MARCHF4: variants seen among roughly 807,000 people sequenced by gnomAD.
MARCHF4 encodes the protein E3 ubiquitin-protein ligase MARCHF4.
Under a neutral mutation model 43.9 loss-of-function variants are expected in MARCHF4, and 14 were observed. The observed-to-expected ratio is 0.32, with a 90% CI of 0.21 to 0.50. MARCHF4 has a LOEUF of 0.50. Among genes scored for constraint, MARCHF4 ranks in the 20% least tolerant of loss-of-function variants. The probability of loss-of-function intolerance (pLI) is 0.98; values close to 1 mark genes in which losing one functional copy is unlikely to be tolerated. For synonymous variants in MARCHF4, 226 were observed against 213.3 expected (o/e 1.06, Z -0.52); for missense variants, 468 against 536.7 (o/e 0.87, Z 1.27).
chr2:216,281,931 C>T (rs1574462737), intron 2 of MARCHF4, among the ~76,000 whole-genome samples: 1 of 152,184 alleles, frequency 6.6e-6, no homozygotes, highest in East Asian at 1.9e-4. Context: ...AAAAGTTATC[C>T]CTAAATGCAT....
chr2:216,355,957 A>C (rs1209142478), intron 1 of MARCHF4, among the ~76,000 whole-genome samples: 2 of 152,152 alleles, frequency 1.3e-5, no homozygotes, highest in African/African-American at 4.8e-5. Flanking sequence ...CCAGCTGCCT[A>C]CACTCATTCA....
chr2:216,307,749 AG>A (rs1691613035), intron 1 of MARCHF4, among the ~76,000 whole-genome samples: 1 of 152,270 alleles, frequency 6.6e-6, no homozygotes, highest in South Asian at 2.1e-4. Context: ...GTAAGGGAAA[AG>A]GATCACATTT....
chr2:216,369,107 TG>T (rs1692711916), intron 1 of MARCHF4, among the ~76,000 whole-genome samples: 1 of 152,214 alleles, frequency 6.6e-6, no homozygotes, highest in Admixed American at 6.5e-5. Flanking sequence ...TTTACCTGCC[TG>T]TTTTCAACAT....
Position 216,259,535 on chromosome 2 carries a change from G to A in MARCHF4, c.1010C>T (p.Ser337Phe). Residue 337 changes from serine to phenylalanine, a missense_variant, in exon 4 of 4, where the codon TCC (serine) becomes TTC (phenylalanine). Physicochemically the swap from Ser to Phe is radical, Grantham distance 155 (BLOSUM62 -2). Around this residue, in one of 3 missense-constraint regions of MARCHF4, gnomAD observed 120 missense variants for 127.1 expected, o/e 0.94. Coordinates refer to ENST00000273067, the MANE Select transcript of MARCHF4 (RefSeq NM_020814.3). ...GGGGATATTGGCCTGGGTGGATGAG[G>A]AGGTCCGGGGGTTGGTCCTGCCTCC... Reference protein sequence around the residue: ...KAGGRTNPRTSSSTQANIPSS... With the variant: ...KAGGRTNPRTFSSTQANIPSS... 6.2e-7 allele frequency: 1 copy of A among 1,614,162 alleles called. No individual in the cohort carries two copies. Among genetic ancestry groups the A allele is most frequent in the Non-Finnish European group, 8.5e-7 (1 of 1,180,014 alleles).
At chr2:216,364,784 G>A (rs1403026487) in intron 1 of MARCHF4, among the ~76,000 whole-genome samples, 1 of 152,224 alleles carries the variant, frequency 6.6e-6, no homozygotes, top group African/African-American at 2.4e-5. Context: ...GAATCAGAAT[G>A]TCCTGTAGAC....
chr2:216,268,824 G>A (rs1690888206), intron 3 of MARCHF4, among the ~76,000 whole-genome samples: 1 of 152,192 alleles, frequency 6.6e-6, no homozygotes, highest in Non-Finnish European at 1.5e-5. Flanking sequence ...TAGGAGGAGA[G>A]GAAGGAATTT....
intron 1 of MARCHF4, among the ~76,000 whole-genome samples, chr2:216,340,937 C>T (rs1692227352): frequency 1.3e-5 from 2 of 152,152 alleles, no homozygotes; most frequent in Admixed American, 1.3e-4. Flanking sequence ...AGGGGCAGCA[C>T]AAGACTCACA....
At chr2:216,296,974 C>A (rs1049751617) in intron 1 of MARCHF4, among the ~76,000 whole-genome samples, 1 of 152,164 alleles carries the variant, frequency 6.6e-6, no homozygotes, top group African/African-American at 2.4e-5. Context: ...AGGTGATAGC[C>A]GTGCCAGAGT....
intron 1 of MARCHF4, among the ~76,000 whole-genome samples, chr2:216,350,429 T>C (rs80325647): frequency 0.055 from 8,357 of 151,016 alleles, 359 homozygotes; most frequent in South Asian, 0.21. Context: ...CCCCTCACTA[T>C]GCCAGAACTG....
chr2:216,305,563 G>A (rs968207969), intron 1 of MARCHF4, among the ~76,000 whole-genome samples: 2 of 152,160 alleles, frequency 1.3e-5, no homozygotes, highest in Non-Finnish European at 1.5e-5. Context: ...AGACAAAAGA[G>A]CCAGCCTGGG....
intron 1 of MARCHF4, among the ~76,000 whole-genome samples, chr2:216,316,887 A>G (rs1005317757): frequency 2.0e-5 from 3 of 152,204 alleles, no homozygotes; most frequent in African/African-American, 7.2e-5. Flanking sequence ...CACTGGGCAC[A>G]TCAGAGGACT....
rs553910509 is a variant in MARCHF4 at position 216,321,153 on chromosome 2, T to C, written c.517-37424A>G. 2.0e-3 allele frequency among the ~76,000 whole-genome samples: 310 copies of C among 152,246 alleles called. 6 individuals carry two copies. In the South Asian group the frequency reaches 0.027, roughly 13 times the overall value. ...GCTTCCTACTGTCTGTAGGAAACTC[T>C]TAACTCTTCAGTCAAGACTCCAGGG... On this transcript the variant is annotated intron_variant, in intron 1 of 3. Coordinates refer to ENST00000273067, the MANE Select transcript of MARCHF4 (RefSeq NM_020814.3).
At chr2:216,329,107 G>A (rs546901973) in intron 1 of MARCHF4, among the ~76,000 whole-genome samples, 11 of 152,252 alleles carry the variant, frequency 7.2e-5, no homozygotes, top group East Asian at 1.9e-4. Flanking sequence ...CCGGCCGGGC[G>A]CGGTGGCTCA....
At chr2:216,360,133 T>C (rs1271965290) in intron 1 of MARCHF4, among the ~76,000 whole-genome samples, 1 of 152,150 alleles carries the variant, frequency 6.6e-6, no homozygotes, top group African/African-American at 2.4e-5. Context: ...TGGGACTCCA[T>C]GTATCATCCC....
At chr2:216,336,191 C>CA (rs1411108964) in intron 1 of MARCHF4, among the ~76,000 whole-genome samples, 8 of 150,180 alleles carry the variant, frequency 5.3e-5, no homozygotes, top group Non-Finnish European at 1.0e-4. Context: ...GAACACTGAA[C>CA]ACTCATAAAA....
chr2:216,323,500 C>T (rs1691938706), intron 1 of MARCHF4, among the ~76,000 whole-genome samples: 1 of 152,216 alleles, frequency 6.6e-6, no homozygotes, highest in Non-Finnish European at 1.5e-5. Flanking sequence ...CCCAAATCAA[C>T]AGAATATACA....
chr2:216,272,685 C>T (rs889008219), intron 3 of MARCHF4, among the ~76,000 whole-genome samples: 5 of 152,168 alleles, frequency 3.3e-5, no homozygotes, highest in Non-Finnish European at 5.9e-5. Flanking sequence ...TGGGGCTAAT[C>T]GGTTTCTCTC....
rs1559280533 is a variant in MARCHF4, at chr2:216,263,512, AG to A, written c.866-3834del. Reference sequence around the variant, plus strand: ...GAGAGAAAGAGAGAGAGAGAGAGAGAGAGAGAGAGAGAGAGAGAGAGAGAGA... The same window carrying A: ...GAGAGAAAGAGAGAGAGAGAGAGAGAAGAGAGAGAGAGAGAGAGAGAGAGA... On this transcript the variant is annotated intron_variant, in intron 3 of 3. Transcript: ENST00000273067. Among the ~76,000 whole-genome samples the A allele has an allele frequency of 4.6e-4, 67 of 144,964 alleles. 1 individual carries two copies. The highest frequency in any genetic ancestry group is 2.4e-3 in the East Asian group (12 of 4,958).
intron 1 of MARCHF4, among the ~76,000 whole-genome samples, chr2:216,358,320 A>C (rs897395559): frequency 6.6e-6 from 1 of 152,210 alleles, no homozygotes; most frequent in African/African-American, 2.4e-5. Context: ...CTCCAAAAGC[A>C]TCTCTGACTC....
Sources: allele counts gnomAD v4.1 joint callset (sites outside exome capture counted in the v4.1 genomes callset), GRCh38; gene constraint gnomAD v4.1.1; regional missense constraint gnomAD v4.1.1; transcripts MANE v1.5; gene names NCBI Gene and HGNC (gene_info 2026-07-23, HGNC 2026-07-21).